Variants in GPHN observed in about 807,000 individuals in gnomAD.
GPHN encodes the protein gephyrin.
GPHN carries 17 observed loss-of-function variants against 95.5 expected under a neutral mutation model. The observed-to-expected ratio is 0.18, with a 90% CI of 0.12 to 0.27. GPHN has a LOEUF of 0.27. Ranked by LOEUF, GPHN falls within the 10% of genes least tolerant of loss-of-function variation. The pLI, the probability that GPHN is intolerant of heterozygous loss-of-function variation, is 1.00. For missense variants in GPHN, 660 were observed against 978.1 expected, an observed-to-expected ratio of 0.67 and a Z score of 4.34; for synonymous variants, 320 against 322.5, an observed-to-expected ratio of 0.99 and a Z score of 0.08.
the GPHN span, chr14:67,650,204 T>C: frequency 6.0e-6 from 1 of 165,656 alleles, no homozygotes; most frequent in Non-Finnish European, 1.3e-5. Flanking sequence ...CAGTAATAAC[T>C]ACATTTCAGG....
intron 1 of GPHN, among the ~76,000 whole-genome samples, chr14:66,639,021 T>C (rs1004304133): frequency 3.3e-5 from 5 of 152,010 alleles, no homozygotes; most frequent in African/African-American, 1.2e-4. Context: ...CTGGACCATC[T>C]CATTTTGCTA....
the GPHN span, among the ~76,000 whole-genome samples, chr14:67,523,338 A>G: frequency 1.3e-5 from 2 of 150,836 alleles, no homozygotes; most frequent in African/African-American, 2.4e-5. Flanking sequence ...AAAAAAAAAG[A>G]AAAGAAAAAA....
chr14:67,122,287 G>C lies in GPHN; in HGVS notation c.1658G>C (p.Gly553Ala). The stretch of plus-strand genomic sequence containing the variant: ...AATCCTGAAGATGACCTCTTACCAG[G>C]GAAGATTCGAGACAGCAATCGTTCA... ...LLNPEDDLLP[G>A]KIRDSNRSTL... The change falls in exon 17 of 23, where the codon GGG (glycine) becomes GCG (alanine). Residue 553 changes from glycine (G) to alanine (A), a missense_variant. Gly to Ala is a moderately conservative substitution (Grantham distance 60). This residue lies in a region of GPHN where 257 missense variants were observed against 376.2 expected (regional missense o/e 0.68). Transcript: ENST00000478722. The C allele has an allele frequency of 6.2e-7, 1 of 1,613,436 alleles. No homozygotes were observed. Among genetic ancestry groups the C allele is most frequent in the Non-Finnish European group, 8.5e-7 (1 of 1,179,512 alleles).
At chr14:66,763,604 TGTATATGTGCCACATTTTCTTAATCCA>T (rs1330479714) in intron 2 of GPHN, among the ~76,000 whole-genome samples, 8 of 151,774 alleles carry the variant, frequency 5.3e-5, no homozygotes, top group African/African-American at 1.9e-4. Context: ...TATTCCATGG[TGTATATGTGCCACATTTTCTTAATCCA>T]GTCTATCATT....
intron 17 of GPHN, among the ~76,000 whole-genome samples, chr14:67,125,720 T>G (rs576824871): frequency 2.7e-5 from 4 of 150,824 alleles, no homozygotes; most frequent in African/African-American, 9.8e-5. Flanking sequence ...GGGGTTGCAG[T>G]GAGCCAACAT....
intron 1 of GPHN, among the ~76,000 whole-genome samples, chr14:66,602,067 A>AT (rs1219386997): frequency 6.6e-6 from 1 of 151,850 alleles, no homozygotes; most frequent in Non-Finnish European, 1.5e-5. Flanking sequence ...GTGGCTTTTC[A>AT]TTTTTTGCGT....
At chr14:66,659,800 A>G (rs1354285915) in intron 1 of GPHN, among the ~76,000 whole-genome samples, 3 of 151,922 alleles carry the variant, frequency 2.0e-5, no homozygotes, top group African/African-American at 7.2e-5. Context: ...ACATTCTTGT[A>G]TCTTTATATT....
chr14:67,661,974 G>A, the GPHN span, among the ~76,000 whole-genome samples: 86 of 152,188 alleles, frequency 5.7e-4, no homozygotes, highest in African/African-American at 2.0e-3. Flanking sequence ...GGCTAACACG[G>A]TGAAACCCCA....
chr14:67,370,593 A>G, the GPHN span, among the ~76,000 whole-genome samples: 4 of 152,260 alleles, frequency 2.6e-5, no homozygotes, highest in Non-Finnish European at 4.4e-5. Flanking sequence ...TTTTATGCCA[A>G]TCATCTCAAC....
chr14:66,726,213 G>A (rs1236337657), intron 2 of GPHN, among the ~76,000 whole-genome samples: 1 of 152,098 alleles, frequency 6.6e-6, no homozygotes, highest in African/African-American at 2.4e-5. Flanking sequence ...TTATAAACAT[G>A]TACTACTGTA....
chr14:67,065,728 T>C (rs962028804), intron 11 of GPHN, among the ~76,000 whole-genome samples: 5 of 152,146 alleles, frequency 3.3e-5, no homozygotes, highest in African/African-American at 1.2e-4. Flanking sequence ...TAAAGTCTGT[T>C]TTATGAGAGA....
At chr14:67,692,497 C>T in the GPHN span, 55 of 1,613,998 alleles carry the variant, frequency 3.4e-5, no homozygotes, top group Middle Eastern at 1.6e-4. Flanking sequence ...GTCCAGTTTC[C>T]GCACCAACAC....
At chr14:67,439,533 GTTTCTTTCTTTCTTTCTTTCTTTCTTTC>G in the GPHN span, among the ~76,000 whole-genome samples, 1 of 96,062 alleles carries the variant, frequency 1.0e-5, no homozygotes, top group South Asian at 3.5e-4. Flanking sequence ...AAATTCAATA[GTTTCTTTCTTTCTTTCTTTCTTTCTTTC>G]TTTCTTTCTT....
the GPHN span, among the ~76,000 whole-genome samples, chr14:67,247,448 G>T: frequency 6.6e-6 from 1 of 152,092 alleles, no homozygotes; most frequent in Non-Finnish European, 1.5e-5. Context: ...TAAGTAGACA[G>T]TCGTGCTCAA....
the GPHN span, among the ~76,000 whole-genome samples, chr14:67,408,292 AAAT>A: frequency 1.8e-4 from 25 of 138,308 alleles, no homozygotes; most frequent in Non-Finnish European, 3.2e-4. Context: ...GTCTCAAAAT[AAAT>A]AAATAAAATA....
At chr14:66,995,090 G>GTACTTCC (rs2071696068) in intron 9 of GPHN, among the ~76,000 whole-genome samples, 1 of 152,180 alleles carries the variant, frequency 6.6e-6, no homozygotes, top group Admixed American at 6.5e-5. Flanking sequence ...CCGTACCTTT[G>GTACTTCC]TGTTTTGATA....
chr14:67,448,992 G>C, the GPHN span, among the ~76,000 whole-genome samples: 2 of 152,190 alleles, frequency 1.3e-5, no homozygotes, highest in African/African-American at 2.4e-5. Context: ...GGCGTGGAAG[G>C]TGTCACGACA....
chr14:67,668,316 A>G, the GPHN span, among the ~76,000 whole-genome samples: 1 of 152,342 alleles, frequency 6.6e-6, no homozygotes, highest in Non-Finnish European at 1.5e-5. Flanking sequence ...AGTAGAAATT[A>G]TGGCCATAGG....
chr14:66,971,848 A>G (rs1035804835), intron 9 of GPHN, among the ~76,000 whole-genome samples: 1 of 147,696 alleles, frequency 6.8e-6, no homozygotes, highest in African/African-American at 2.5e-5. Context: ...ATTTTGTTAT[A>G]TTATATCAAA....
Sources: allele counts gnomAD v4.1 joint callset (sites outside exome capture counted in the v4.1 genomes callset), GRCh38; gene constraint gnomAD v4.1.1; regional missense constraint gnomAD v4.1.1; transcripts MANE v1.5; gene names NCBI Gene and HGNC (gene_info 2026-07-23, HGNC 2026-07-21).